Variants in HIVEP3 observed in about 807,000 individuals in gnomAD.
HIVEP3 encodes HIVEP zinc finger 3.
HIVEP3 carries 49 observed loss-of-function variants against 152.8 expected under a neutral mutation model. The observed-to-expected ratio is 0.32, with a 90% CI of 0.26 to 0.41. HIVEP3 has a LOEUF of 0.41. HIVEP3 is among the 10% of genes least tolerant of loss of function. The pLI is 1.00. For missense variants in HIVEP3, 2,790 were observed against 3,103.3 expected (o/e 0.90, Z 2.40); for synonymous variants, 1,269 against 1,289.0 (o/e 0.98, Z 0.33).
At chr1:41,562,314 A>G (rs1414093699) in intron 5 of HIVEP3, among the ~76,000 whole-genome samples, 1 of 152,220 alleles carries the variant, frequency 6.6e-6, no homozygotes, top group Admixed American at 6.5e-5. Flanking sequence ...CTAGAAGTTC[A>G]GGGAAGTGCC....
At chr1:41,735,437 T>C (rs1284601170) in intron 1 of HIVEP3, among the ~76,000 whole-genome samples, 1 of 152,158 alleles carries the variant, frequency 6.6e-6, no homozygotes, top group Non-Finnish European at 1.5e-5. Flanking sequence ...GAGTCCCCCT[T>C]GTCTGTGGGG....
At chr1:41,803,654 C>T (rs769851050) in intron 1 of HIVEP3, among the ~76,000 whole-genome samples, 7 of 152,250 alleles carry the variant, frequency 4.6e-5, no homozygotes, top group Non-Finnish European at 8.8e-5. Context: ...CAGACATTCC[C>T]TCCACGTGAA....
chr1:41,913,723 T>A (rs1449434842), intron 1 of HIVEP3, among the ~76,000 whole-genome samples: 1 of 152,242 alleles, frequency 6.6e-6, no homozygotes, highest in Non-Finnish European at 1.5e-5. Flanking sequence ...AGTTTCAACA[T>A]CTAATGCTAA....
intron 1 of HIVEP3, among the ~76,000 whole-genome samples, chr1:41,793,075 G>C (rs1437809173): frequency 1.3e-5 from 2 of 152,236 alleles, no homozygotes; most frequent in East Asian, 3.9e-4. Flanking sequence ...CCACACAGGA[G>C]TGGCCTGTCA....
At chr1:41,700,681 G>A (rs1258558629) in intron 2 of HIVEP3, among the ~76,000 whole-genome samples, 1 of 152,188 alleles carries the variant, frequency 6.6e-6, no homozygotes, top group Non-Finnish European at 1.5e-5. Context: ...ATTTCCCTTG[G>A]CTCCTGGCCC....
At chr1:41,822,476 TTTGA>T (rs1642636574) in intron 1 of HIVEP3, among the ~76,000 whole-genome samples, 1 of 152,208 alleles carries the variant, frequency 6.6e-6, no homozygotes, top group African/African-American at 2.4e-5. Context: ...ACTGTCCTTC[TTTGA>T]TTGATGCTCA....
intron 1 of HIVEP3, among the ~76,000 whole-genome samples, chr1:41,905,886 C>T (rs1644701140): frequency 6.6e-6 from 1 of 152,186 alleles, no homozygotes; most frequent in South Asian, 2.1e-4. Flanking sequence ...ACAGAATGTG[C>T]ACCTGAAGGA....
chr1:41,540,205 T>C (rs965694257), intron 5 of HIVEP3, among the ~76,000 whole-genome samples: 1 of 152,248 alleles, frequency 6.6e-6, no homozygotes, highest in African/African-American at 2.4e-5. Flanking sequence ...ACCAGGTGCC[T>C]GGCCAACGCT....
chr1:41,755,416 T>C (rs1371582252), intron 1 of HIVEP3, among the ~76,000 whole-genome samples: 1 of 151,778 alleles, frequency 6.6e-6, no homozygotes, highest in African/African-American at 2.4e-5. Flanking sequence ...AGGTGTGATA[T>C]CAAAAGCACA....
intron 1 of HIVEP3, among the ~76,000 whole-genome samples, chr1:41,902,242 T>C (rs1644637753): frequency 6.6e-6 from 1 of 152,148 alleles, no homozygotes; most frequent in Admixed American, 6.6e-5. Flanking sequence ...CACATTGCTT[T>C]CACTTAGGTC....
intron 2 of HIVEP3, among the ~76,000 whole-genome samples, chr1:41,668,213 G>A (rs2124063648): frequency 6.6e-6 from 1 of 152,382 alleles, no homozygotes; most frequent in South Asian, 2.1e-4. Context: ...GAAGGATCCT[G>A]TGCTCAGGCA....
At chr1:41,604,145 C>G (rs940841820) in intron 3 of HIVEP3, among the ~76,000 whole-genome samples, 3 of 152,072 alleles carry the variant, frequency 2.0e-5, no homozygotes, top group African/African-American at 7.2e-5. Flanking sequence ...ACACACCTAC[C>G]CTCAGACCCA....
intron 1 of HIVEP3, among the ~76,000 whole-genome samples, chr1:41,835,760 G>C (rs1435614186): frequency 6.6e-6 from 1 of 152,180 alleles, no homozygotes. Flanking sequence ...GTAGGGCCCA[G>C]GGAAAGTGCA....
Position 41,916,759 on chromosome 1 carries a change from T to G in HIVEP3, c.-801+1654A>C, listed in dbSNP as rs111742642. Among the ~76,000 whole-genome samples the G allele has an allele frequency of 5.4e-3, 824 of 152,046 alleles. 4 individuals are homozygous for G. Among genetic ancestry groups the G allele is most frequent in the African/African-American group, 0.019 (777 of 41,444 alleles). Reference sequence around the variant, plus strand: ...AAGTGACACCCTAGTGGACAGGAACTCCTCCCTACACTGGCTGCTCAGCAG... The same window carrying G: ...AAGTGACACCCTAGTGGACAGGAACGCCTCCCTACACTGGCTGCTCAGCAG... On this transcript the variant is annotated intron_variant, in intron 1 of 8. Transcript: ENST00000372583.
intron 1 of HIVEP3, among the ~76,000 whole-genome samples, chr1:41,706,093 A>C (rs1361190446): frequency 1.3e-5 from 2 of 152,218 alleles, no homozygotes; most frequent in African/African-American, 4.8e-5. Context: ...ATCAGGGTAC[A>C]TGTGCAAGTT....
At chr1:41,776,775 TCTCTCTGCCATC>T (rs1302798917) in intron 1 of HIVEP3, among the ~76,000 whole-genome samples, 4 of 152,208 alleles carry the variant, frequency 2.6e-5, no homozygotes, top group Non-Finnish European at 4.4e-5. Flanking sequence ...AAACAGGCAC[TCTCTCTGCCATC>T]TTTCTGGAAA....
chr1:42,009,667 T>C (rs1013263832), intron 1 of HIVEP3, among the ~76,000 whole-genome samples: 1 of 152,168 alleles, frequency 6.6e-6, no homozygotes, highest in Non-Finnish European at 1.5e-5. Flanking sequence ...TCATAATGTG[T>C]CTTGATCTGG....
chr1:41,549,939 A>G (rs1643877807), intron 5 of HIVEP3, among the ~76,000 whole-genome samples: 1 of 152,274 alleles, frequency 6.6e-6, no homozygotes, highest in African/African-American at 2.4e-5. Context: ...TTAGACATGA[A>G]GTCCTTGCCC....
intron 1 of HIVEP3, among the ~76,000 whole-genome samples, chr1:41,958,511 T>C (rs984586363): frequency 5.3e-5 from 8 of 152,116 alleles, no homozygotes; most frequent in Non-Finnish European, 1.0e-4. Context: ...CCTCATAAAG[T>C]AGAAGAGGTA....
Sources: gnomAD v4.1 joint callset for allele counts (sites outside exome capture counted in the v4.1 genomes callset) on GRCh38, gnomAD v4.1.1 for gene constraint, MANE v1.5 for transcripts, NCBI Gene and HGNC (gene_info 2026-07-23, HGNC 2026-07-21) for gene names.